Variants in PCNX2 observed in about 807,000 individuals in gnomAD.
The protein encoded by PCNX2 is pecanex-like protein 2.
Under a neutral mutation model 223.8 loss-of-function variants are expected in PCNX2, and 168 were observed. The ratio of observed to expected loss-of-function variants is 0.75; its 90% CI spans 0.66 to 0.85. The LOEUF (loss-of-function observed/expected upper bound fraction) is 0.85, where lower values mean the gene tolerates loss of function less well. Among genes scored for constraint, PCNX2 ranks in the 40% least tolerant of loss-of-function variants. The pLI is 0.00. For synonymous variants in PCNX2, 1,006 were observed against 1,052.6 expected (o/e 0.96, Z 0.86); for missense variants, 2,507 against 2,675.5 (o/e 0.94, Z 1.39).
intron 8 of PCNX2, among the ~76,000 whole-genome samples, chr1:233,250,078 A>G (rs1308018900): frequency 6.6e-6 from 1 of 152,198 alleles, no homozygotes; most frequent in Non-Finnish European, 1.5e-5. Context: ...AGAAGCATAC[A>G]TGAACAATTT....
At chr1:233,167,931 T>C (rs1678898280) in intron 17 of PCNX2, 12 of 676,928 alleles carry the variant, frequency 1.8e-5, no homozygotes, top group Non-Finnish European at 2.2e-5. Context: ...ATTTTGATCT[T>C]AGTTTTGTAA....
chr1:233,176,944 G>A (rs546620179), intron 17 of PCNX2, among the ~76,000 whole-genome samples: 120 of 152,196 alleles, frequency 7.9e-4, no homozygotes, highest in Non-Finnish European at 9.3e-4. Flanking sequence ...CCTGGGAGGC[G>A]GAGCTTGCAG....
Position 233,161,297 on chromosome 1 carries a change from C to T in PCNX2, c.3340G>A (p.Ala1114Thr), listed in dbSNP as rs775714681. 9.3e-6 allele frequency: 15 copies of T among 1,613,680 alleles called. No homozygotes were observed. The highest frequency in any genetic ancestry group is 5.3e-5 in the African/African-American group (4 of 74,910). Reference protein sequence around the residue: ...VVAVLSFAVSASTVFLSLRPF... With the variant: ...VVAVLSFAVSTSTVFLSLRPF... ...CGCAATGACAGGAATACAGTGCTGG[C>T]GCTGACTGCAAATGAGAGGACAGCA... is the stretch of plus-strand genomic sequence containing the variant. The change falls in exon 18 of 34, where the codon GCC becomes ACC. Residue 1114 changes from alanine to threonine, a missense_variant. Physicochemically the swap from Ala to Thr is moderately conservative, Grantham distance 58. This residue lies in a region of PCNX2 where 1,372 missense variants were observed against 1,509.4 expected (regional missense o/e 0.91). Coordinates refer to ENST00000258229, the MANE Select transcript of PCNX2 (RefSeq NM_014801.4).
At chr1:233,233,049 G>C (rs746187883) in intron 9 of PCNX2, 27 of 984,778 alleles carry the variant, frequency 2.7e-5, no homozygotes, top group Middle Eastern at 5.2e-4. Context: ...ATCCTATGCT[G>C]CCCTTGGGTA....
intron 19 of PCNX2, among the ~76,000 whole-genome samples, chr1:233,145,870 C>T (rs1571964250): frequency 6.6e-6 from 1 of 152,246 alleles, no homozygotes; most frequent in East Asian, 1.9e-4. Flanking sequence ...TACTGACGTC[C>T]CATGTATGGA....
intron 1 of PCNX2, among the ~76,000 whole-genome samples, chr1:233,268,525 T>C (rs996569517): frequency 1.3e-5 from 2 of 152,332 alleles, no homozygotes; most frequent in Non-Finnish European, 2.9e-5. Context: ...AGAAGTCTTC[T>C]GGAAATGAAT....
chr1:233,275,539 G>C (rs1660861614), intron 1 of PCNX2, among the ~76,000 whole-genome samples: 1 of 152,080 alleles, frequency 6.6e-6, no homozygotes, highest in Non-Finnish European at 1.5e-5. Context: ...GATACTGAAA[G>C]GAAGTAACAC....
In PCNX2 at chr1:233,126,946, G is replaced by GT. The variant is rs1361822783; in HGVS notation, c.3837+8066dup. On this transcript the variant is annotated intron_variant, in intron 21 of 33. Coordinates refer to ENST00000258229, the MANE Select transcript of PCNX2 (RefSeq NM_014801.4). The surrounding 1 kb of genome is among the most constrained non-coding windows in gnomAD (Gnocchi z 4.8). ...TTTCACCTGCACTGCACTCTCCCCCGTATCTATCTGATCACTAAACGTAAT... is the reference window on the plus strand; with the variant it reads ...TTTCACCTGCACTGCACTCTCCCCCGTTATCTATCTGATCACTAAACGTAAT... Among the ~76,000 whole-genome samples the GT allele has an allele frequency of 6.6e-6, 1 of 151,912 alleles. No individual in the cohort carries two copies. The highest frequency in any genetic ancestry group is 2.4e-5 in the African/African-American group (1 of 41,350).
intron 25 of PCNX2, among the ~76,000 whole-genome samples, chr1:233,041,489 C>T (rs1169171355): frequency 6.6e-6 from 1 of 152,166 alleles, no homozygotes; most frequent in Non-Finnish European, 1.5e-5. Flanking sequence ...ACCCTCTCGG[C>T]CATTTATAAA....
intron 23 of PCNX2, among the ~76,000 whole-genome samples, chr1:233,077,654 C>T (rs1673155423): frequency 6.6e-6 from 1 of 152,194 alleles, no homozygotes; most frequent in South Asian, 2.1e-4. Context: ...TAAGCTCCAA[C>T]TACGCAACCT....
At chr1:233,319,227 A>AC in the PCNX2 span, among the ~76,000 whole-genome samples, 61 of 151,510 alleles carry the variant, frequency 4.0e-4, no homozygotes, top group African/African-American at 9.9e-4. Flanking sequence ...TGTAAACCAC[A>AC]CCCCCCCATG....
At chr1:233,322,922 A>G in the PCNX2 span, among the ~76,000 whole-genome samples, 1 of 151,718 alleles carries the variant, frequency 6.6e-6, no homozygotes, top group African/African-American at 2.4e-5. Flanking sequence ...TTCCATCTTT[A>G]TAATCAGTTG....
At chr1:233,207,019 AAG>A (rs1400562069) in intron 13 of PCNX2, among the ~76,000 whole-genome samples, 4 of 114,982 alleles carry the variant, frequency 3.5e-5, no homozygotes, top group Non-Finnish European at 5.0e-5. Context: ...AAAAAAAAAA[AAG>A]AAGAAGAAGA....
chr1:232,994,569 G>A (rs944034396), intron 32 of PCNX2, among the ~76,000 whole-genome samples: 1 of 152,162 alleles, frequency 6.6e-6, no homozygotes, highest in Non-Finnish European at 1.5e-5. Context: ...AGACTTTGGG[G>A]GATGGTTGGG....
intron 9 of PCNX2, chr1:233,232,863 C>T (rs1386426435): frequency 1.0e-6 from 1 of 985,136 alleles, no homozygotes; most frequent in Non-Finnish European, 1.2e-6. Flanking sequence ...TCATGCTATC[C>T]ATAATGATAA....
the PCNX2 span, among the ~76,000 whole-genome samples, chr1:233,325,597 AC>A: frequency 6.6e-6 from 1 of 152,038 alleles, no homozygotes; most frequent in African/African-American, 2.4e-5. Context: ...AATGCCGCGA[AC>A]CCAGGAGGCG....
At chr1:233,155,282 C>T (rs987269188) in intron 19 of PCNX2, among the ~76,000 whole-genome samples, 2 of 152,162 alleles carry the variant, frequency 1.3e-5, no homozygotes, top group Admixed American at 6.5e-5. Context: ...TCCTGCAGGG[C>T]GGAACCTAGT....
chr1:233,090,643 T>C (rs1449770443), intron 22 of PCNX2, among the ~76,000 whole-genome samples: 1 of 152,202 alleles, frequency 6.6e-6, no homozygotes, highest in African/African-American at 2.4e-5. Flanking sequence ...GTTTTCCCAC[T>C]GTTTGAAATA....
chr1:233,174,704 CA>C (rs1231724815), intron 17 of PCNX2, among the ~76,000 whole-genome samples: 1 of 151,774 alleles, frequency 6.6e-6, no homozygotes, highest in African/African-American at 2.4e-5. Context: ...CAAATCTAAA[CA>C]TAATAAAGGG....
Sources: allele counts gnomAD v4.1 joint callset (sites outside exome capture counted in the v4.1 genomes callset), GRCh38; gene constraint gnomAD v4.1.1; regional missense constraint gnomAD v4.1.1; non-coding constraint Gnocchi (gnomAD v3.1); transcripts MANE v1.5; gene names NCBI Gene and HGNC (gene_info 2026-07-23, HGNC 2026-07-21).